Variants in SLC6A4 observed in about 807,000 individuals in gnomAD.
The protein encoded by SLC6A4 is solute carrier family 6 member 4.
A neutral mutation model predicts 73.4 loss-of-function variants in SLC6A4; 22 were observed. That is an observed-to-expected ratio of 0.30 (90% CI 0.21 to 0.43). The LOEUF (loss-of-function observed/expected upper bound fraction) is 0.43. SLC6A4 is among the 20% of genes least tolerant of loss of function. The pLI, the probability that SLC6A4 is intolerant of heterozygous loss-of-function variation, is 1.00. For missense variants in SLC6A4, 593 were observed against 808.5 expected (o/e 0.73, Z 3.23); for synonymous variants, 270 against 315.5 (o/e 0.86, Z 1.53).
rs1459552506 is a variant in SLC6A4 at position 30,211,044 on chromosome 17, G to A, written c.1317+268C>T. Among the ~76,000 whole-genome samples, 1 of 152,176 alleles carries A rather than the reference G, an allele frequency of 6.6e-6. No individual in the cohort carries two copies. Among genetic ancestry groups the A allele is most frequent in the African/African-American group, 2.4e-5 (1 of 41,432 alleles). ...CCCCGGCCTGTAGGCGCCATAATTG[G>A]GCCAAGGGACAGTGCTTAATAACAG... On this transcript the variant is annotated intron_variant, in intron 10 of 14. Coordinates refer to ENST00000650711, the MANE Select transcript of SLC6A4 (RefSeq NM_001045.6). This position sits in a 1 kb window ranked among gnomAD's most constrained non-coding sequence, Gnocchi z 4.0.
chr17:30,231,159 C>G (rs944403298), intron 1 of SLC6A4, among the ~76,000 whole-genome samples: 2 of 152,066 alleles, frequency 1.3e-5, no homozygotes, highest in African/African-American at 4.8e-5. Flanking sequence ...GAAAATGGCG[C>G]TGTGGTTACG....
chr17:30,219,216 C>G (rs999582460), intron 3 of SLC6A4, among the ~76,000 whole-genome samples: 3 of 152,194 alleles, frequency 2.0e-5, no homozygotes, highest in Non-Finnish European at 4.4e-5. Flanking sequence ...CCACTTATGA[C>G]TACCTGGAGA....
intron 1 of SLC6A4, among the ~76,000 whole-genome samples, chr17:30,224,140 G>A (rs924565516): frequency 6.6e-6 from 1 of 152,030 alleles, no homozygotes; most frequent in Non-Finnish European, 1.5e-5. Context: ...CAGGGAGGAA[G>A]AGCTTTTCCC....
Position 30,218,938 on chromosome 17 carries a change from C to G in SLC6A4, c.344-7G>C. ...TAGGGGAGGAGGAATGCCCCTGAGG[C>G]AGATGAAAGACAATTTCACTCCCTG... is the stretch of plus-strand genomic sequence containing the variant. On this transcript the variant is annotated splice_polypyrimidine_tract_variant and splice_region_variant and intron_variant, in intron 3 of 14. Coordinates refer to ENST00000650711, the MANE Select transcript of SLC6A4 (RefSeq NM_001045.6). The G allele has an allele frequency of 6.2e-7, 1 of 1,613,900 alleles. No homozygotes were observed.
intron 8 of SLC6A4, among the ~76,000 whole-genome samples, chr17:30,215,054 TC>T (rs1400789660): frequency 3.4e-4 from 50 of 146,476 alleles, no homozygotes; most frequent in East Asian, 2.8e-3. Context: ...TTTATTTCTC[TC>T]TCTCTCTTTC....
At position 30,221,543 on chromosome 17, in the gene SLC6A4, CCCGGGTCACAGCCCACT is replaced by C. The variant is rs1378913116; in HGVS notation, c.343+56_343+72del. The C allele has an allele frequency of 2.3e-5, 32 of 1,391,854 alleles. 1 individual carries two copies. The highest frequency in any genetic ancestry group is 9.9e-5 in the African/African-American group (7 of 70,610). 86.2% of individuals were successfully genotyped at this position (1,391,854 alleles called of 1,614,324 possible). ...GCAGCCCACCCGGGTCACAGCCCAC[CCCGGGTCACAGCCCACT>C]CCGGGTCACAGCCCACCCTGGGTCA... is the stretch of plus-strand genomic sequence containing the variant. On this transcript the variant is annotated intron_variant, in intron 3 of 14. Coordinates refer to ENST00000650711, the MANE Select transcript of SLC6A4 (RefSeq NM_001045.6).
intron 8 of SLC6A4, 50 bp from the exon 9 acceptor site, chr17:30,212,917 G>C: frequency 6.2e-7 from 1 of 1,604,542 alleles, no homozygotes; most frequent in Non-Finnish European, 8.5e-7. Context: ...AAGATCAGGG[G>C]TCTAAGGAGC....
Position 30,217,181 on chromosome 17 carries a change from G to A in SLC6A4, c.822C>T (p.Val274=). Reference sequence around the variant, plus strand: ...CCTTCCTCACCTTGCCAGAGGTCTTGACGCCTTTCCAGATGCTGAAGTAGA... The same window carrying A: ...CCTTCCTCACCTTGCCAGAGGTCTTAACGCCTTTCCAGATGCTGAAGTAGA... ...TVIYFSIWKG[V]KTSGKVVWVT... is the part of the protein sequence containing the mutation. Residue 274 remains valine (V), a synonymous_variant, in exon 6 of 15, where the codon GTC becomes GTT. Coordinates refer to ENST00000650711, the MANE Select transcript of SLC6A4 (RefSeq NM_001045.6). 1 of 1,613,960 alleles carries A rather than the reference G, an allele frequency of 6.2e-7. No homozygotes were observed.
In SLC6A4 at chr17:30,199,741, G is replaced by A. The variant is rs55856323; in HGVS notation, c.1819-1211C>T. ...CAGGGAGTTTAAAAAGGAGTCATCCGTTTAAAAAGGAGTCATCAGCTACCA... is the reference window on the plus strand; with the variant it reads ...CAGGGAGTTTAAAAAGGAGTCATCCATTTAAAAAGGAGTCATCAGCTACCA... On this transcript the variant is annotated intron_variant, in intron 14 of 14. Transcript: ENST00000650711. 5.1e-4 allele frequency among the ~76,000 whole-genome samples: 78 copies of A among 152,234 alleles called. 1 individual carries two copies. The East Asian group carries it at 0.013, about 25-fold the overall frequency.
In SLC6A4 at chr17:30,222,928, G is replaced by T. The variant is rs1390215583; in HGVS notation, c.-220-13C>A. On this transcript the variant is annotated splice_polypyrimidine_tract_variant and intron_variant, in intron 1 of 14. Transcript: ENST00000650711. Reference sequence around the variant, plus strand: ...GCCTCCAGGAGACCTAGGGAGAAGAGTGTGCAGGTTACTGATGCTGGGGTG... The same window carrying T: ...GCCTCCAGGAGACCTAGGGAGAAGATTGTGCAGGTTACTGATGCTGGGGTG... 2.1e-6 allele frequency: 2 copies of T among 958,594 alleles called. No homozygotes were observed. Among genetic ancestry groups the T allele is most frequent in the South Asian group, 2.7e-5 (2 of 74,228 alleles). The allele number at this position is 958,594 out of a possible 1,614,324, so 59.4% of individuals were successfully genotyped here. A position where few individuals can be genotyped will look rare whatever the true frequency, so the allele number is the denominator to read the frequency against.
At chr17:30,209,840 A>G (rs1034024670) in intron 11 of SLC6A4, among the ~76,000 whole-genome samples, 3 of 152,056 alleles carry the variant, frequency 2.0e-5, no homozygotes, top group African/African-American at 7.2e-5. Context: ...TCTTCAACTT[A>G]TTGAACACCT....
At chr17:30,216,572 T>C (rs188595811) in intron 6 of SLC6A4, among the ~76,000 whole-genome samples, 147 of 152,068 alleles carry the variant, frequency 9.7e-4, no homozygotes, top group African/African-American at 3.5e-3. Context: ...GCCACGATTA[T>C]TAATTGTGGT....
chr17:30,208,039 G>A (rs975836499), intron 12 of SLC6A4, among the ~76,000 whole-genome samples: 3 of 152,154 alleles, frequency 2.0e-5, no homozygotes, highest in Non-Finnish European at 2.9e-5. Context: ...AATCTGGTCC[G>A]AAAGTGGGGC....
Position 30,209,155 on chromosome 17 carries a change from A to T in SLC6A4, c.1537T>A (p.Ser513Thr). 1 of 1,612,756 alleles carries T rather than the reference A, an allele frequency of 6.2e-7. No individual in the cohort carries two copies. The highest frequency in any genetic ancestry group is 2.2e-5 in the East Asian group (1 of 44,858). Reference protein sequence around the residue: ...TVALIEAVAVSWFYGITQFCR... With the variant: ...TVALIEAVAVTWFYGITQFCR... ...GGAAGCGTCTTACCATAGAACCAAG[A>T]CACAGCGACTGCTTCGATCAGCGCG... is the stretch of plus-strand genomic sequence containing the variant. The change falls in exon 12 of 15, where the codon TCT becomes ACT. Residue 513 changes from serine (S) to threonine (T), a missense_variant. Coordinates refer to ENST00000650711, the MANE Select transcript of SLC6A4 (RefSeq NM_001045.6).
chr17:30,212,906 C>G, intron 8 of SLC6A4, 39 bp from the exon 9 acceptor site: 1 of 1,611,300 alleles, frequency 6.2e-7, no homozygotes, highest in Admixed American at 1.7e-5. Flanking sequence ...GAGACAGTTC[C>G]AAGATCAGGG....
chr17:30,214,422 CA>C (rs748274109), intron 8 of SLC6A4, among the ~76,000 whole-genome samples: 71 of 79,484 alleles, frequency 8.9e-4, no homozygotes, highest in South Asian at 1.7e-3. Flanking sequence ...AACTCCGTCT[CA>C]AAAAAAAAAA....
chr17:30,226,771 A>C (rs986334868), intron 1 of SLC6A4, among the ~76,000 whole-genome samples: 2 of 151,476 alleles, frequency 1.3e-5, no homozygotes, highest in African/African-American at 4.9e-5. Flanking sequence ...AATCCCAGCT[A>C]CTCAGAAGAC....
intron 9 of SLC6A4, 87 bp downstream of exon 9, chr17:30,212,653 A>C: frequency 6.8e-7 from 1 of 1,480,496 alleles, no homozygotes; most frequent in Non-Finnish European, 9.3e-7. Context: ...AACATTTAGA[A>C]ATAAATCAAA....
intron 1 of SLC6A4, among the ~76,000 whole-genome samples, chr17:30,230,930 A>C (rs184049632): frequency 8.5e-5 from 13 of 152,312 alleles, no homozygotes; most frequent in South Asian, 2.1e-4. Flanking sequence ...AGTTGGAGAC[A>C]CTCATGAAAA....
Sources: allele counts gnomAD v4.1 joint callset (sites outside exome capture counted in the v4.1 genomes callset), GRCh38; gene constraint gnomAD v4.1.1; non-coding constraint Gnocchi (gnomAD v3.1); transcripts MANE v1.5; gene names NCBI Gene and HGNC (gene_info 2026-07-23, HGNC 2026-07-21).